The following RANBP17 variants were observed in gnomAD, a reference collection of about 807,000 sequenced individuals.
RANBP17 encodes the protein ran-binding protein 17.
Under a neutral mutation model 141.2 loss-of-function variants are expected in RANBP17, and 158 were observed. The observed-to-expected ratio is 1.12, with a 90% CI of 0.98 to 1.28. The LOEUF is 1.28. RANBP17 is among the 50% of genes most tolerant of loss of function. The probability of loss-of-function intolerance (pLI) is 0.00; values close to 1 mark genes in which losing one functional copy is unlikely to be tolerated. For missense variants in RANBP17, 1,438 were observed against 1,290.7 expected, an observed-to-expected ratio of 1.11 and a Z score of -1.75; for synonymous variants, 430 against 450.0, an observed-to-expected ratio of 0.96 and a Z score of 0.56.
chr5:171,057,897 G>C (rs1235287897), intron 14 of RANBP17, among the ~76,000 whole-genome samples: 1 of 152,072 alleles, frequency 6.6e-6, no homozygotes, highest in Non-Finnish European at 1.5e-5. Flanking sequence ...TCTCGGCCTT[G>C]ACACATGGAG....
chr5:171,129,059 A>G (rs1348017417), intron 14 of RANBP17, among the ~76,000 whole-genome samples: 1 of 152,138 alleles, frequency 6.6e-6, no homozygotes, highest in East Asian at 1.9e-4. Context: ...TAGGCACTCT[A>G]TCCTGTCTCT....
chr5:171,096,092 C>T (rs193051184), intron 14 of RANBP17, among the ~76,000 whole-genome samples: 4 of 151,912 alleles, frequency 2.6e-5, no homozygotes, highest in East Asian at 3.9e-4. Context: ...AGGAGTAAGC[C>T]GAGAAGGTGG....
intron 18 of RANBP17, among the ~76,000 whole-genome samples, chr5:171,188,049 A>G (rs1361366394): frequency 2.0e-5 from 3 of 152,104 alleles, no homozygotes; most frequent in African/African-American, 2.4e-5. Context: ...CTTTTTTTTC[A>G]TGCTTTTCCA....
chr5:171,057,165 A>T (rs1055715727), intron 14 of RANBP17, among the ~76,000 whole-genome samples: 2 of 152,090 alleles, frequency 1.3e-5, no homozygotes, highest in African/African-American at 4.8e-5. Context: ...GTGTGCTTTT[A>T]TTCTAATGTT....
chr5:171,128,283 ATGT>A (rs1486250262), intron 14 of RANBP17, among the ~76,000 whole-genome samples: 2 of 152,210 alleles, frequency 1.3e-5, no homozygotes, highest in Admixed American at 6.5e-5. Context: ...GATAAAGAAA[ATGT>A]TGTATATATA....
chr5:171,042,420 A>G (rs1782311609), intron 14 of RANBP17, among the ~76,000 whole-genome samples: 1 of 152,162 alleles, frequency 6.6e-6, no homozygotes, highest in South Asian at 2.1e-4. Context: ...CCAATTGTTG[A>G]CCAACATGTC....
intron 14 of RANBP17, among the ~76,000 whole-genome samples, chr5:171,113,929 A>T (rs894430998): frequency 2.0e-5 from 3 of 152,212 alleles, no homozygotes; most frequent in African/African-American, 7.2e-5. Flanking sequence ...GATATGAAAG[A>T]AACTTATAAA....
At chr5:171,296,550 A>G (rs1768831965) in intron 27 of RANBP17, among the ~76,000 whole-genome samples, 1 of 152,252 alleles carries the variant, frequency 6.6e-6, no homozygotes, top group Non-Finnish European at 1.5e-5. Flanking sequence ...CTTGATCATT[A>G]CACATTCTGT....
At chr5:171,011,951 A>C (rs1366059910) in intron 14 of RANBP17, among the ~76,000 whole-genome samples, 1 of 151,860 alleles carries the variant, frequency 6.6e-6, no homozygotes, top group East Asian at 1.9e-4. Context: ...TGAAAAGTCC[A>C]AGCCACTGTT....
chr5:170,936,076 G>A (rs1773849325), intron 12 of RANBP17, among the ~76,000 whole-genome samples: 1 of 152,184 alleles, frequency 6.6e-6, no homozygotes, highest in African/African-American at 2.4e-5. Context: ...GGCTCCGTGG[G>A]CATGGGACCC....
chr5:170,895,188 G>A (rs1770012691), intron 4 of RANBP17, among the ~76,000 whole-genome samples: 1 of 152,080 alleles, frequency 6.6e-6, no homozygotes, highest in African/African-American at 2.4e-5. Context: ...GAGATAATTT[G>A]AATTTAATTA....
intron 13 of RANBP17, among the ~76,000 whole-genome samples, chr5:170,955,582 GTATATATATA>G (rs869169939): frequency 2.4e-5 from 1 of 41,676 alleles, no homozygotes; most frequent in Admixed American, 4.0e-4. Flanking sequence ...CAGTCTGTGT[GTATATATATA>G]TATATATATA....
intron 18 of RANBP17, among the ~76,000 whole-genome samples, chr5:171,185,195 T>C (rs1321955897): frequency 6.6e-6 from 1 of 152,186 alleles, no homozygotes; most frequent in African/African-American, 2.4e-5. Context: ...AAATATTTTA[T>C]TGCTAAAAAA....
chr5:171,161,256 G>A (rs1264262467), intron 14 of RANBP17, among the ~76,000 whole-genome samples: 1 of 152,084 alleles, frequency 6.6e-6, no homozygotes, highest in East Asian at 1.9e-4. Flanking sequence ...CTCTGCTCAT[G>A]GGCTCCAGAA....
chr5:170,924,547 G>A lies in RANBP17; in HGVS notation c.1465G>A (p.Glu489Lys), dbSNP rs933468404. ...SGVTVDITIQ[E>K]GRLAWLVYLV... ...TGTAACTGTGGACATCACCATTCAGGAAGGTCAGTAAACTTTATATGACTA... is the reference window on the plus strand; with the variant it reads ...TGTAACTGTGGACATCACCATTCAGAAAGGTCAGTAAACTTTATATGACTA... Residue 489 changes from glutamate (E) to lysine (K), a missense_variant, in exon 12 of 28, where the codon GAA becomes AAA. By Grantham distance (56) the Glu-to-Lys change is moderately conservative (BLOSUM62 1). Transcript: ENST00000523189. 2.1e-5 allele frequency: 33 copies of A among 1,590,744 alleles called. No individual in the cohort carries two copies. The highest frequency in any genetic ancestry group is 2.8e-5 in the Non-Finnish European group (32 of 1,161,518).
chr5:170,923,431 T>C (rs897864122), intron 11 of RANBP17, among the ~76,000 whole-genome samples: 1 of 152,244 alleles, frequency 6.6e-6, no homozygotes, highest in Non-Finnish European at 1.5e-5. Flanking sequence ...GTATGAGTTC[T>C]TTAAGTGGCT....
intron 16 of RANBP17, among the ~76,000 whole-genome samples, chr5:171,176,150 G>T (rs890002419): frequency 2.0e-5 from 3 of 152,088 alleles, no homozygotes; most frequent in African/African-American, 7.2e-5. Flanking sequence ...TGAATTTGGT[G>T]AATGTAAGTC....
chr5:170,982,973 G>A (rs1043673258), intron 14 of RANBP17: 1 of 353,714 alleles, frequency 2.8e-6, no homozygotes, highest in East Asian at 6.1e-5. Flanking sequence ...ACTTAAAATT[G>A]TATATCCAGT....
Position 170,955,582 on chromosome 5 carries a change from G to A in RANBP17, c.1574+1880G>A, listed in dbSNP as rs906691918. Among the ~76,000 whole-genome samples, 164 of 41,618 alleles carry A rather than the reference G, an allele frequency of 3.9e-3. 12 individuals carry two copies. Among genetic ancestry groups the A allele is most frequent in the Admixed American group, 6.0e-3 (15 of 2,486 alleles). 27.3% of individuals were successfully genotyped at this position (41,618 alleles called of 152,430 possible). On this transcript the variant is annotated intron_variant, in intron 13 of 27. Transcript: ENST00000523189. Reference sequence around the variant, plus strand: ...ATATATATATATGCTCAGTCTGTGTGTATATATATATATATATATATATAT... The same window carrying A: ...ATATATATATATGCTCAGTCTGTGTATATATATATATATATATATATATAT...
Sources: allele counts gnomAD v4.1 joint callset (sites outside exome capture counted in the v4.1 genomes callset), GRCh38; gene constraint gnomAD v4.1.1; transcripts MANE v1.5; gene names NCBI Gene and HGNC (gene_info 2026-07-23, HGNC 2026-07-21).